Variants in MYO5A observed in about 807,000 individuals in gnomAD.
MYO5A encodes the protein myosin VA, also known as unconventional myosin-Va.
Under a neutral mutation model 249.7 loss-of-function variants are expected in MYO5A, and 98 were observed. The ratio of observed to expected loss-of-function variants is 0.39; its 90% CI spans 0.33 to 0.46. The LOEUF (loss-of-function observed/expected upper bound fraction) is 0.46, where lower values mean the gene tolerates loss of function less well. Among genes scored for constraint, MYO5A ranks in the 20% least tolerant of loss-of-function variants. MYO5A has a pLI of 0.98. For synonymous variants in MYO5A, 778 were observed against 810.6 expected (o/e 0.96, Z 0.68); for missense variants, 1,696 against 2,308.8 (o/e 0.73, Z 5.44).
intron 1 of MYO5A, among the ~76,000 whole-genome samples, chr15:52,459,940 G>T (rs7173411): frequency 2.0e-5 from 3 of 149,636 alleles, no homozygotes; most frequent in Admixed American, 6.6e-5. Context: ...CGGGGCGGCC[G>T]GTCAGAGACG....
chr15:52,362,682 G>A (rs1358650879), intron 24 of MYO5A, among the ~76,000 whole-genome samples: 1 of 152,188 alleles, frequency 6.6e-6, no homozygotes, highest in African/African-American at 2.4e-5. Context: ...TGAGAAATAA[G>A]AAATTGAGCA....
intron 9 of MYO5A, among the ~76,000 whole-genome samples, chr15:52,402,858 C>CA (rs1252535839): frequency 6.6e-6 from 1 of 151,548 alleles, no homozygotes; most frequent in Non-Finnish European, 1.5e-5. Context: ...AAGAAAAAAA[C>CA]AAAAAAACAA....
At chr15:52,480,580 T>C (rs1422672861) in intron 1 of MYO5A, among the ~76,000 whole-genome samples, 1 of 152,154 alleles carries the variant, frequency 6.6e-6, no homozygotes, top group African/African-American at 2.4e-5. Context: ...GCAAACATAA[T>C]GGATCTGAAA....
intron 36 of MYO5A, among the ~76,000 whole-genome samples, chr15:52,324,081 G>A (rs1452171586): frequency 6.7e-6 from 1 of 148,986 alleles, no homozygotes; most frequent in Non-Finnish European, 1.5e-5. Flanking sequence ...CCCCCGTGGG[G>A]TTAATGATGG....
chr15:52,469,222 G>T (rs1420036833), intron 1 of MYO5A, among the ~76,000 whole-genome samples: 1 of 152,130 alleles, frequency 6.6e-6, no homozygotes, highest in African/African-American at 2.4e-5. Flanking sequence ...TTGGAAATTT[G>T]TGTGTAACTT....
chr15:52,517,595 T>C (rs1211085843), intron 1 of MYO5A, among the ~76,000 whole-genome samples: 1 of 152,114 alleles, frequency 6.6e-6, no homozygotes, highest in Non-Finnish European at 1.5e-5. Context: ...CCTGTAATCC[T>C]AGCTACTCCA....
At chr15:52,493,103 T>G (rs914406002) in intron 1 of MYO5A, among the ~76,000 whole-genome samples, 9 of 151,952 alleles carry the variant, frequency 5.9e-5, no homozygotes, top group African/African-American at 2.2e-4. Flanking sequence ...CTCTCAAGAG[T>G]TAGTGAACAT....
intron 1 of MYO5A, among the ~76,000 whole-genome samples, chr15:52,463,462 GCTTT>G (rs1009905614): frequency 4.6e-5 from 7 of 151,858 alleles, no homozygotes; most frequent in African/African-American, 9.7e-5. Context: ...AACTAAAATT[GCTTT>G]CTTTTTTTAT....
chr15:52,341,931 G>T (rs1364124259), intron 31 of MYO5A, among the ~76,000 whole-genome samples: 1 of 152,182 alleles, frequency 6.6e-6, no homozygotes, highest in Non-Finnish European at 1.5e-5. Flanking sequence ...GGTTGAATTT[G>T]GGTAATTATT....
At chr15:52,395,834 A>C (rs1054741935) in intron 11 of MYO5A, among the ~76,000 whole-genome samples, 1 of 152,222 alleles carries the variant, frequency 6.6e-6, no homozygotes, top group South Asian at 2.1e-4. Context: ...ATTTAATATT[A>C]CTACTTCACA....
At position 52,307,361 on chromosome 15, in the gene MYO5A, C is replaced by T. The variant is rs929519477; in HGVS notation, c.*6335G>A. The stretch of plus-strand genomic sequence containing the variant: ...GCATTAATGACACACATTTACTAAG[C>T]ACAACAATGGACAACTACAAATTTA... On this transcript the variant is annotated 3_prime_UTR_variant, in exon 42 of 42. Coordinates refer to ENST00000399233, the MANE Select transcript of MYO5A (RefSeq NM_001382347.1). The T allele has an allele frequency of 2.0e-5, 3 of 152,116 alleles. No homozygotes were observed. The highest frequency in any genetic ancestry group is 4.4e-5 in the Non-Finnish European group (3 of 68,002). The allele number at this position is 152,116 out of a possible 1,614,324, so 9.4% of individuals were successfully genotyped here. A position where few individuals can be genotyped will look rare whatever the true frequency, so the allele number is the denominator to read the frequency against.
intron 9 of MYO5A, among the ~76,000 whole-genome samples, chr15:52,401,146 C>T (rs2042736181): frequency 6.7e-6 from 1 of 148,408 alleles, no homozygotes; most frequent in Middle Eastern, 3.5e-3. Context: ...TCTTGGCTCA[C>T]TGTAACCTCC....
chr15:52,341,226 C>G (rs2899487), intron 31 of MYO5A, among the ~76,000 whole-genome samples: 5,464 of 152,172 alleles, frequency 0.036, 336 homozygotes, highest in African/African-American at 0.13. Flanking sequence ...GCTGGAACAC[C>G]ACTCCAGCCT....
intron 1 of MYO5A, among the ~76,000 whole-genome samples, chr15:52,523,318 C>T (rs930797276): frequency 6.6e-6 from 1 of 152,180 alleles, no homozygotes; most frequent in Non-Finnish European, 1.5e-5. Flanking sequence ...TCATCCTGTT[C>T]AACATGCCTG....
intron 1 of MYO5A, among the ~76,000 whole-genome samples, chr15:52,471,592 A>AACACACACACACACACAC (rs111751236): frequency 0.018 from 2,554 of 144,896 alleles, 79 homozygotes; most frequent in African/African-American, 0.061. Flanking sequence ...CTGTCTCTAA[A>AACACACACACACACACAC]ACACACACAC....
chr15:52,441,698 TCTC>T (rs1301576773), intron 1 of MYO5A, among the ~76,000 whole-genome samples: 8 of 152,238 alleles, frequency 5.3e-5, no homozygotes, highest in South Asian at 2.1e-4. Flanking sequence ...CCTGACTTCT[TCTC>T]CTCATTTGGC....
intron 20 of MYO5A, among the ~76,000 whole-genome samples, chr15:52,374,438 G>A (rs1256388530): frequency 6.6e-6 from 1 of 152,220 alleles, no homozygotes; most frequent in East Asian, 1.9e-4. Flanking sequence ...GAAATTAGGT[G>A]CTAATCCCTG....
At chr15:52,461,624 T>G (rs998319040) in intron 1 of MYO5A, among the ~76,000 whole-genome samples, 1 of 152,126 alleles carries the variant, frequency 6.6e-6, no homozygotes, top group Admixed American at 6.6e-5. Flanking sequence ...TATCTATTCC[T>G]CTCCCCATAG....
Position 52,353,944 on chromosome 15 carries a change from A to G in MYO5A, c.3494T>C (p.Leu1165Pro). 6.2e-7 allele frequency: 1 copy of G among 1,614,232 alleles called. No homozygotes were observed. Among genetic ancestry groups the G allele is most frequent in the Non-Finnish European group, 8.5e-7 (1 of 1,180,038 alleles). The change falls in exon 26 of 42, where the codon CTG (leucine) becomes CCG (proline). Residue 1165 changes from leucine (L) to proline (P), a missense_variant. By Grantham distance (98) the Leu-to-Pro change is moderately conservative (BLOSUM62 -3). Transcript: ENST00000399233. The stretch of plus-strand genomic sequence containing the variant: ...CTGCATCACCTGCTTCTCCTGCTCC[A>G]GCTCTGTGACCCGCTTCTGGAGCTT... ...FLKLQKRVTE[L>P]EQEKQVMQDE...
Sources: gnomAD v4.1 joint callset for allele counts (sites outside exome capture counted in the v4.1 genomes callset) on GRCh38, gnomAD v4.1.1 for gene constraint, MANE v1.5 for transcripts, NCBI Gene and HGNC (gene_info 2026-07-23, HGNC 2026-07-21) for gene names.